The following CFAP20DC variants were observed in gnomAD, a reference collection of about 807,000 sequenced individuals.
CFAP20DC encodes the protein CFAP20 domain containing.
In CFAP20DC, 84 loss-of-function variants were observed where a neutral mutation model predicts 101.7. The ratio of observed to expected loss-of-function variants is 0.83; its 90% confidence interval spans 0.69 to 0.99. The LOEUF (loss-of-function observed/expected upper bound fraction) is 0.99. Among genes scored for constraint, CFAP20DC ranks in the 50% least tolerant of loss-of-function variants. The probability of loss-of-function intolerance (pLI) is 0.00; values close to 1 mark genes in which losing one functional copy is unlikely to be tolerated. For missense variants in CFAP20DC, 1,007 were observed against 970.3 expected (o/e 1.04, Z -0.50); for synonymous variants, 359 against 351.2 (o/e 1.02, Z -0.25).
At chr3:59,025,910 A>C (rs925930765) in intron 4 of CFAP20DC, among the ~76,000 whole-genome samples, 1 of 152,184 alleles carries the variant, frequency 6.6e-6, no homozygotes, top group Non-Finnish European at 1.5e-5. Context: ...TAATTTAGAA[A>C]AGTAAAATGA....
chr3:59,039,743 T>G (rs1291903998), intron 3 of CFAP20DC, 114 bp from the exon 4 acceptor site: 1 of 587,732 alleles, frequency 1.7e-6, no homozygotes, highest in Admixed American at 3.5e-5. Flanking sequence ...CAGTAATACA[T>G]AGAACTGCAA....
At chr3:58,751,419 T>G (rs1031022938) in intron 16 of CFAP20DC, among the ~76,000 whole-genome samples, 1 of 152,110 alleles carries the variant, frequency 6.6e-6, no homozygotes, top group Non-Finnish European at 1.5e-5. Context: ...GATCCTACCC[T>G]TCATTCAGCT....
At chr3:58,948,355 C>T (rs537494664) in intron 4 of CFAP20DC, among the ~76,000 whole-genome samples, 4 of 152,340 alleles carry the variant, frequency 2.6e-5, no homozygotes, top group Admixed American at 1.3e-4. Flanking sequence ...AAAACTTCTT[C>T]GATCTCCAGA....
In CFAP20DC at chr3:58,797,134, G is replaced by A. The variant is rs556218433; in HGVS notation, c.2237+9261C>T. On this transcript the variant is annotated intron_variant, in intron 15 of 16. Coordinates refer to ENST00000482387, the MANE Select transcript of CFAP20DC (RefSeq NM_001394063.1). ...GTGTTCACGTGAAAGGAAGAGTCAC[G>A]TGTCTCTCACTTTCAATCAAAAGCT... is the stretch of plus-strand genomic sequence containing the variant. Among the ~76,000 whole-genome samples the A allele has an allele frequency of 8.7e-4, 132 of 152,260 alleles. 1 individual carries two copies. Among genetic ancestry groups the A allele is most frequent in the South Asian group, 8.5e-3 (41 of 4,808 alleles).
In CFAP20DC at chr3:58,799,165, C is replaced by T. The variant is rs1005446665; in HGVS notation, c.2237+7230G>A. Among the ~76,000 whole-genome samples, 2 of 151,998 alleles carry T rather than the reference C, an allele frequency of 1.3e-5. No homozygotes were observed. Among genetic ancestry groups the T allele is most frequent in the Admixed American group, 6.6e-5 (1 of 15,242 alleles). ...ATTAGCCTGGTGAGAACTGAGTACA[C>T]CTTCTGCAGCAGTGGCAACCCAACC... On this transcript the variant is annotated intron_variant, in intron 15 of 16. Transcript: ENST00000482387. This position sits in a 1 kb window ranked among gnomAD's most constrained non-coding sequence, Gnocchi z 4.9.
At chr3:59,041,017 C>G (rs979623310) in intron 3 of CFAP20DC, among the ~76,000 whole-genome samples, 1 of 151,986 alleles carries the variant, frequency 6.6e-6, no homozygotes, top group Non-Finnish European at 1.5e-5. Context: ...AAGCAGAGCT[C>G]TGGTCTACAA....
At chr3:59,016,772 T>C (rs1013939956) in intron 4 of CFAP20DC, among the ~76,000 whole-genome samples, 6 of 152,128 alleles carry the variant, frequency 3.9e-5, no homozygotes, top group Non-Finnish European at 8.8e-5. Flanking sequence ...TCTGGAGTTC[T>C]AACAAGTTCC....
At chr3:58,933,696 C>A (rs1483643394) in intron 5 of CFAP20DC, among the ~76,000 whole-genome samples, 1 of 151,592 alleles carries the variant, frequency 6.6e-6, no homozygotes, top group Non-Finnish European at 1.5e-5. Context: ...GAAATGAAGG[C>A]AGAAATAAAG....
At chr3:59,041,905 C>T (rs554595069) in intron 3 of CFAP20DC, among the ~76,000 whole-genome samples, 8 of 152,184 alleles carry the variant, frequency 5.3e-5, no homozygotes, top group African/African-American at 1.4e-4. Context: ...TACCATGCAA[C>T]GAAGATTACT....
At chr3:58,810,628 C>G (rs2074535052) in intron 14 of CFAP20DC, among the ~76,000 whole-genome samples, 1 of 148,550 alleles carries the variant, frequency 6.7e-6, no homozygotes, top group Non-Finnish European at 1.5e-5. Flanking sequence ...GAAGCATTCC[C>G]TTTGAAAACT....
chr3:58,946,646 G>A (rs1249741460), intron 4 of CFAP20DC, among the ~76,000 whole-genome samples: 3 of 152,062 alleles, frequency 2.0e-5, no homozygotes, highest in African/African-American at 7.2e-5. Flanking sequence ...CAAACCCCAT[G>A]AAGAAAAATG....
chr3:58,802,951 A>G (rs2073816673), intron 15 of CFAP20DC, among the ~76,000 whole-genome samples: 1 of 151,946 alleles, frequency 6.6e-6, no homozygotes, highest in Non-Finnish European at 1.5e-5. Context: ...ACTCCAGTCC[A>G]GGTGACAGAG....
intron 7 of CFAP20DC, among the ~76,000 whole-genome samples, chr3:58,873,658 G>C (rs1416115545): frequency 1.3e-5 from 2 of 151,864 alleles, no homozygotes; most frequent in East Asian, 3.9e-4. Context: ...TGTTCAAGCA[G>C]AAGTCTGGAT....
intron 4 of CFAP20DC, among the ~76,000 whole-genome samples, chr3:58,996,259 G>A (rs2093129908): frequency 6.6e-6 from 1 of 152,042 alleles, no homozygotes; most frequent in Admixed American, 6.6e-5. Context: ...ACTATAAATA[G>A]ATGCTAATAT....
intron 15 of CFAP20DC, among the ~76,000 whole-genome samples, chr3:58,777,640 T>C (rs2107544153): frequency 6.6e-6 from 1 of 152,248 alleles, no homozygotes; most frequent in Non-Finnish European, 1.5e-5. Context: ...TCCTTTAGAA[T>C]CTCTACATTT....
At chr3:58,739,379 A>G (rs542872203), downstream of CFAP20DC, among the ~76,000 whole-genome samples, 2 of 152,372 alleles carry the variant, frequency 1.3e-5, no homozygotes, top group African/African-American at 4.8e-5. Flanking sequence ...ATACCAAATT[A>G]TCTTAAGATG....
intron 4 of CFAP20DC, among the ~76,000 whole-genome samples, chr3:59,023,740 TC>T (rs973338238): frequency 3.9e-5 from 6 of 152,100 alleles, no homozygotes; most frequent in African/African-American, 1.4e-4. Context: ...CAAATACTGA[TC>T]ATTTAAAAAG....
At chr3:58,781,664 A>G (rs2071839843) in intron 15 of CFAP20DC, among the ~76,000 whole-genome samples, 1 of 151,986 alleles carries the variant, frequency 6.6e-6, no homozygotes, top group South Asian at 2.1e-4. Flanking sequence ...CAACTATACA[A>G]TAACAAACTA....
intron 5 of CFAP20DC, among the ~76,000 whole-genome samples, chr3:58,919,656 A>G (rs1277994650): frequency 2.6e-5 from 4 of 152,196 alleles, no homozygotes; most frequent in African/African-American, 9.6e-5. Flanking sequence ...CTCTCCATTT[A>G]TGTAGGTCTT....
Sources: gnomAD v4.1 joint callset for allele counts (sites outside exome capture counted in the v4.1 genomes callset) on GRCh38, gnomAD v4.1.1 for gene constraint, Gnocchi (gnomAD v3.1) non-coding constraint, MANE v1.5 for transcripts, NCBI Gene and HGNC (gene_info 2026-07-23, HGNC 2026-07-21) for gene names.